DPYD: variants seen among roughly 807,000 people sequenced by gnomAD.
DPYD encodes dihydropyrimidine dehydrogenase.
A neutral mutation model predicts 116.2 loss-of-function variants in DPYD; 109 were observed. The ratio of observed to expected loss-of-function variants is 0.94; its 90% CI spans 0.80 to 1.10. The LOEUF (loss-of-function observed/expected upper bound fraction) is 1.10. DPYD is among the 50% of genes least tolerant of loss of function. The pLI is 0.00. For synonymous variants in DPYD, 440 were observed against 432.0 expected, an observed-to-expected ratio of 1.02 and a Z score of -0.23; for missense variants, 1,302 against 1,254.5, an observed-to-expected ratio of 1.04 and a Z score of -0.57.
At chr1:97,419,441 C>T (rs548626471) in intron 14 of DPYD, among the ~76,000 whole-genome samples, 15 of 152,196 alleles carry the variant, frequency 9.9e-5, no homozygotes, top group Admixed American at 9.2e-4. Context: ...TATTATAATA[C>T]ATTATGATTT....
chr1:97,531,210 T>C (rs766471308), intron 12 of DPYD, among the ~76,000 whole-genome samples: 1 of 152,226 alleles, frequency 6.6e-6, no homozygotes, highest in East Asian at 1.9e-4. Context: ...TCATGAAGCT[T>C]TTCCCATATG....
At chr1:97,415,823 G>C (rs1268943303) in intron 14 of DPYD, among the ~76,000 whole-genome samples, 2 of 149,884 alleles carry the variant, frequency 1.3e-5, no homozygotes. Context: ...GCTTGTACAG[G>C]GTATGGCTTT....
At chr1:97,730,104 T>C (rs1010846438) in intron 4 of DPYD, among the ~76,000 whole-genome samples, 7 of 152,178 alleles carry the variant, frequency 4.6e-5, no homozygotes, top group Admixed American at 2.0e-4. Flanking sequence ...CTTATATTTT[T>C]ATGACGTGTC....
intron 16 of DPYD, among the ~76,000 whole-genome samples, chr1:97,326,231 T>C (rs1019443676): frequency 2.0e-5 from 3 of 151,926 alleles, no homozygotes; most frequent in African/African-American, 7.2e-5. Flanking sequence ...TAGTAATGTA[T>C]TCAATCAAGT....
intron 13 of DPYD, among the ~76,000 whole-genome samples, chr1:97,463,310 CCCTGCACTCTCT>C (rs1677124839): frequency 6.6e-6 from 1 of 152,152 alleles, no homozygotes; most frequent in African/African-American, 2.4e-5. Context: ...AGAGGAGTTT[CCCTGCACTCTCT>C]CTTTGCCTGC....
chr1:97,863,807 A>G lies in DPYD; in HGVS notation c.150+19457T>C, dbSNP rs1282071086. On this transcript the variant is annotated intron_variant, in intron 2 of 22. Coordinates refer to ENST00000370192, the MANE Select transcript of DPYD (RefSeq NM_000110.4). ...ATAAAATAATTAATGCATGTAACAC[A>G]GTAATATAGATCTGTCCAGAGGCAA... 3.9e-5 allele frequency among the ~76,000 whole-genome samples: 6 copies of G among 152,098 alleles called. No homozygotes were observed. In the East Asian group the frequency reaches 9.7e-4, roughly 25 times the overall value.
At chr1:97,151,906 T>G (rs1655055207) in intron 20 of DPYD, among the ~76,000 whole-genome samples, 1 of 152,196 alleles carries the variant, frequency 6.6e-6, no homozygotes, top group Non-Finnish European at 1.5e-5. Context: ...TGGAAAGTTA[T>G]TCATGGAACA....
intron 10 of DPYD, among the ~76,000 whole-genome samples, chr1:97,578,476 T>C (rs892637957): frequency 6.6e-6 from 1 of 151,710 alleles, no homozygotes; most frequent in African/African-American, 2.4e-5. Context: ...AAAAAAAAAA[T>C]CTGTGGACAA....
rs557473880 is a variant in DPYD, at chr1:97,399,628, C to G, written c.1906-17167G>C. ...TTGTATCCTCTTTTATTATGTTGAG[C>G]AGTGGTTTGTAGTTCTCCTTGAAGA... On this transcript the variant is annotated intron_variant, in intron 14 of 22. Coordinates refer to ENST00000370192, the MANE Select transcript of DPYD (RefSeq NM_000110.4). 3.3e-5 allele frequency among the ~76,000 whole-genome samples: 5 copies of G among 152,186 alleles called. No homozygotes were observed. The South Asian group carries it at 1.0e-3, about 32-fold the overall frequency.
intron 8 of DPYD, among the ~76,000 whole-genome samples, chr1:97,599,657 A>G (rs1007529069): frequency 1.3e-5 from 2 of 151,694 alleles, no homozygotes; most frequent in Non-Finnish European, 2.9e-5. Flanking sequence ...CACAAATCCC[A>G]GGTGTGAAGA....
chr1:97,887,469 T>TAAAAAAAAAAA lies in DPYD; in HGVS notation c.40-4106_40-4096dup, dbSNP rs57316508. ...TGGGTGACAAAGTGAGACTCTGCATTAAAAAAAAAAAAAAAAAAAAAAAAA... is the reference window on the plus strand; with the variant it reads ...TGGGTGACAAAGTGAGACTCTGCATTAAAAAAAAAAAAAAAAAAAAAAAAAAAAAAAAAAAA... On this transcript the variant is annotated intron_variant, in intron 1 of 22. Coordinates refer to ENST00000370192, the MANE Select transcript of DPYD (RefSeq NM_000110.4). Among the ~76,000 whole-genome samples the TAAAAAAAAAAA allele has an allele frequency of 7.5e-3, 353 of 47,134 alleles. 11 individuals are homozygous for TAAAAAAAAAAA. The highest frequency in any genetic ancestry group is 0.045 in the Middle Eastern group (4 of 88). The allele number at this position is 47,134 out of a possible 152,430, so 30.9% of individuals were successfully genotyped here. A position where few individuals can be genotyped will look rare whatever the true frequency, so the allele number is the denominator to read the frequency against.
chr1:97,236,222 G>A (rs1661917171), intron 18 of DPYD, among the ~76,000 whole-genome samples: 1 of 151,934 alleles, frequency 6.6e-6, no homozygotes, highest in African/African-American at 2.4e-5. Context: ...CTTAAACCAG[G>A]GCTTCACAAA....
chr1:97,140,487 GAA>G (rs1654131822), intron 20 of DPYD, among the ~76,000 whole-genome samples: 1 of 152,120 alleles, frequency 6.6e-6, no homozygotes, highest in Non-Finnish European at 1.5e-5. Context: ...TATCCTTTAA[GAA>G]AAAGAGTTGG....
At chr1:97,902,588 T>C (rs1162817988) in intron 1 of DPYD, among the ~76,000 whole-genome samples, 1 of 151,864 alleles carries the variant, frequency 6.6e-6, no homozygotes, top group Non-Finnish European at 1.5e-5. Flanking sequence ...CTCAAAGATA[T>C]GTAAATTATC....
At chr1:97,820,102 T>C (rs544906791) in intron 3 of DPYD, among the ~76,000 whole-genome samples, 10 of 152,258 alleles carry the variant, frequency 6.6e-5, no homozygotes, top group Non-Finnish European at 1.3e-4. Context: ...GAAGTATCAG[T>C]TAAAGTATCA....
chr1:97,148,911 A>C (rs1427181184), intron 20 of DPYD, among the ~76,000 whole-genome samples: 2 of 152,184 alleles, frequency 1.3e-5, no homozygotes, highest in African/African-American at 2.4e-5. Flanking sequence ...ATAAGCTCTT[A>C]ATAGAAAATA....
chr1:97,682,447 T>C (rs1408569288), intron 7 of DPYD, among the ~76,000 whole-genome samples: 1 of 152,002 alleles, frequency 6.6e-6, no homozygotes, highest in African/African-American at 2.4e-5. Flanking sequence ...CCTATTCAAA[T>C]TTCCCTTTCC....
intron 20 of DPYD, among the ~76,000 whole-genome samples, chr1:97,168,385 A>G (rs564036114): frequency 6.6e-6 from 1 of 152,292 alleles, no homozygotes; most frequent in African/African-American, 2.4e-5. Context: ...CAGCTGAGCC[A>G]CTTGTTTTAT....
At chr1:97,136,799 A>G (rs1653837758) in intron 20 of DPYD, among the ~76,000 whole-genome samples, 2 of 152,224 alleles carry the variant, frequency 1.3e-5, no homozygotes, top group African/African-American at 4.8e-5. Context: ...AATTTATGAC[A>G]AGAAGAAAGA....
Sources: gnomAD v4.1 joint callset for allele counts (sites outside exome capture counted in the v4.1 genomes callset) on GRCh38, gnomAD v4.1.1 for gene constraint, MANE v1.5 for transcripts, NCBI Gene and HGNC (gene_info 2026-07-23, HGNC 2026-07-21) for gene names.